The following TENM2 variants were observed in gnomAD, a reference collection of about 807,000 sequenced individuals.
TENM2 encodes teneurin-2.
In TENM2, 52 loss-of-function variants were observed where a neutral mutation model predicts 245.2. The observed-to-expected ratio is 0.21, with a 90% CI of 0.17 to 0.27. TENM2 has a LOEUF of 0.27. Among genes scored for constraint, TENM2 ranks in the 10% least tolerant of loss-of-function variants. The pLI is 1.00. For synonymous variants in TENM2, 1,363 were observed against 1,438.9 expected (o/e 0.95, Z 1.19); for missense variants, 3,046 against 3,666.8 (o/e 0.83, Z 4.37).
At chr5:167,727,712 T>G (rs1760124688) in intron 2 of TENM2, among the ~76,000 whole-genome samples, 1 of 152,194 alleles carries the variant, frequency 6.6e-6, no homozygotes, top group African/African-American at 2.4e-5. Context: ...ATATTCAAAC[T>G]CCAGGAAAAA....
intron 12 of TENM2, among the ~76,000 whole-genome samples, chr5:168,155,409 G>GTT (rs1191523976): frequency 2.0e-5 from 3 of 151,680 alleles, no homozygotes; most frequent in Non-Finnish European, 4.4e-5. Flanking sequence ...TGAAAGGGGG[G>GTT]GGGGGTCCAT....
At chr5:167,247,900 A>G in the TENM2 span, among the ~76,000 whole-genome samples, 2 of 152,170 alleles carry the variant, frequency 1.3e-5, no homozygotes, top group Non-Finnish European at 2.9e-5. Context: ...CTCTAAATCC[A>G]TCGTATCACA....
intron 12 of TENM2, among the ~76,000 whole-genome samples, chr5:168,155,892 T>TAAAAAAAAAAAAAAAAA (rs55977607): frequency 6.2e-5 from 6 of 96,930 alleles, no homozygotes; most frequent in African/African-American, 2.2e-4. Context: ...CTGGCATCTG[T>TAAAAAAAAAAAAAAAAA]AAAAAAAAAA....
chr5:167,076,790 C>T, the TENM2 span, among the ~76,000 whole-genome samples: 1 of 152,112 alleles, frequency 6.6e-6, no homozygotes, highest in Non-Finnish European at 1.5e-5. Flanking sequence ...CATAGAAACA[C>T]CCTTTAATAC....
chr5:168,254,350 C>T (rs1264233439), intron 27 of TENM2, among the ~76,000 whole-genome samples: 2 of 151,926 alleles, frequency 1.3e-5, no homozygotes, highest in African/African-American at 4.8e-5. Context: ...CAGCATGGAG[C>T]GGAGTCACTA....
Position 168,260,197 on chromosome 5 carries a change from A to G in TENM2, c.7433-86A>G, listed in dbSNP as rs1239857667. On this transcript the variant is annotated intron_variant, in intron 27 of 28. Transcript: ENST00000518659. ...CTTTGGGCCCTACACCCAACCACCCATTTTATTTTGTTCTCTCTTTAAGCT... is the reference window on the plus strand; with the variant it reads ...CTTTGGGCCCTACACCCAACCACCCGTTTTATTTTGTTCTCTCTTTAAGCT... The G allele has an allele frequency of 2.0e-6, 3 of 1,495,524 alleles. No individual in the cohort carries two copies. In the African/African-American group the frequency reaches 4.1e-5, roughly 21 times the overall value. 92.6% of individuals were successfully genotyped at this position (1,495,524 alleles called of 1,614,324 possible).
At chr5:167,069,372 G>A in the TENM2 span, among the ~76,000 whole-genome samples, 1 of 152,088 alleles carries the variant, frequency 6.6e-6, no homozygotes, top group African/African-American at 2.4e-5. Flanking sequence ...TCTAAATGAT[G>A]CAAATTAAAG....
chr5:167,775,031 G>A (rs527540259), intron 2 of TENM2, among the ~76,000 whole-genome samples: 1 of 152,120 alleles, frequency 6.6e-6, no homozygotes, highest in South Asian at 2.1e-4. Flanking sequence ...GTGCAATGGC[G>A]CAATCTCGGC....
intron 2 of TENM2, among the ~76,000 whole-genome samples, chr5:167,426,562 A>AAT (rs1368185470): frequency 6.6e-6 from 1 of 151,686 alleles, no homozygotes; most frequent in Non-Finnish European, 1.5e-5. Context: ...AAAAAAAAAA[A>AAT]AAAATTCTAG....
chr5:167,453,978 A>G (rs1196723848), intron 2 of TENM2, among the ~76,000 whole-genome samples: 3 of 152,182 alleles, frequency 2.0e-5, no homozygotes, highest in African/African-American at 7.2e-5. Flanking sequence ...TGGGTAATCA[A>G]TGAAAATGTG....
chr5:168,028,799 C>CAA (rs34319215), intron 5 of TENM2, among the ~76,000 whole-genome samples: 171 of 122,098 alleles, frequency 1.4e-3, no homozygotes, highest in Non-Finnish European at 2.0e-3. Context: ...TAGCAACTGT[C>CAA]AAAAAAAAAA....
the TENM2 span, among the ~76,000 whole-genome samples, chr5:167,264,037 G>A: frequency 2.0e-5 from 3 of 151,602 alleles, no homozygotes; most frequent in Admixed American, 6.6e-5. Context: ...CTCGGGAGGT[G>A]GAGGTTAGAG....
At chr5:167,110,382 G>A in the TENM2 span, among the ~76,000 whole-genome samples, 2 of 152,202 alleles carry the variant, frequency 1.3e-5, no homozygotes, top group African/African-American at 4.8e-5. Flanking sequence ...GGACAAAGAA[G>A]AGATACATGT....
intron 2 of TENM2, among the ~76,000 whole-genome samples, chr5:167,473,151 T>C (rs1416390844): frequency 6.6e-6 from 1 of 152,364 alleles, no homozygotes; most frequent in Admixed American, 6.5e-5. Context: ...ATTTTTATGA[T>C]TAATTTTTGT....
At chr5:167,430,428 C>T (rs542104254) in intron 2 of TENM2, among the ~76,000 whole-genome samples, 112 of 152,232 alleles carry the variant, frequency 7.4e-4, no homozygotes, top group Admixed American at 1.2e-3. Context: ...CAGCCTGGGC[C>T]GTTCATTAGT....
At chr5:167,712,892 T>C (rs1759003176) in intron 2 of TENM2, among the ~76,000 whole-genome samples, 1 of 152,184 alleles carries the variant, frequency 6.6e-6, no homozygotes, top group African/African-American at 2.4e-5. Context: ...GTTTTTCTTA[T>C]TAGGTGAAAA....
chr5:167,413,424 C>A (rs2127408828), intron 2 of TENM2, among the ~76,000 whole-genome samples: 1 of 152,222 alleles, frequency 6.6e-6, no homozygotes, highest in South Asian at 2.1e-4. Flanking sequence ...AAGCCCATAC[C>A]ACTGAGGATA....
chr5:167,851,725 C>T (rs1303023010), intron 2 of TENM2, among the ~76,000 whole-genome samples: 3 of 152,144 alleles, frequency 2.0e-5, no homozygotes, highest in Non-Finnish European at 4.4e-5. Flanking sequence ...TGAGGACCGC[C>T]AGAGATTCCC....
At chr5:167,834,813 C>A (rs1015996869) in intron 2 of TENM2, among the ~76,000 whole-genome samples, 97 of 152,152 alleles carry the variant, frequency 6.4e-4, no homozygotes, top group Admixed American at 3.6e-3. Context: ...CCACGCCCAG[C>A]TAATTTTTTT....
Sources: allele counts gnomAD v4.1 joint callset (sites outside exome capture counted in the v4.1 genomes callset), GRCh38; gene constraint gnomAD v4.1.1; transcripts MANE v1.5; gene names NCBI Gene and HGNC (gene_info 2026-07-23, HGNC 2026-07-21).